The following ITPR2 variants were observed in gnomAD, a reference collection of about 807,000 sequenced individuals.
ITPR2 encodes the protein inositol 1,4,5-trisphosphate receptor type 2, also known as inositol 1,4,5-trisphosphate-gated calcium channel ITPR2.
In ITPR2, 207 loss-of-function variants were observed where a neutral mutation model predicts 317.1. The observed-to-expected ratio is 0.65, with a 90% confidence interval of 0.58 to 0.73. ITPR2 has a LOEUF of 0.73. Ranked by LOEUF, ITPR2 falls within the 30% of genes least tolerant of loss-of-function variation. The pLI is 0.00. For missense variants in ITPR2, 2,613 were observed against 3,284.0 expected (o/e 0.80, Z 4.99); for synonymous variants, 1,156 against 1,149.1 (o/e 1.01, Z -0.12).
At chr12:26,531,613 T>A (rs1176250426) in intron 37 of ITPR2, among the ~76,000 whole-genome samples, 2 of 151,932 alleles carry the variant, frequency 1.3e-5, no homozygotes, top group African/African-American at 4.8e-5. Context: ...ACATACACCT[T>A]TGATTTTCTA....
chr12:26,546,311 T>C (rs545280968), intron 37 of ITPR2, among the ~76,000 whole-genome samples: 42 of 152,290 alleles, frequency 2.8e-4, no homozygotes, highest in African/African-American at 9.4e-4. Context: ...ATACTGTATG[T>C]TTGTGGCCTT....
intron 37 of ITPR2, among the ~76,000 whole-genome samples, chr12:26,516,291 GGAAAGGAAA>G (rs1943506513): frequency 9.5e-5 from 7 of 73,580 alleles, no homozygotes; most frequent in East Asian, 4.3e-4. Context: ...GGAAGGGAAA[GGAAAGGAAA>G]GGAAAGGAAA....
rs573192303 is a variant in ITPR2 at position 26,556,463 on chromosome 12, G to T, written c.4822-88C>A. On this transcript the variant is annotated intron_variant, in intron 35 of 56. Transcript: ENST00000381340. ...TAAGACAAGCTCAAGAATACTAATG[G>T]GAATTTTATAGATGCCCCTCTATTT... 95 of 1,270,254 alleles carry T rather than the reference G, an allele frequency of 7.5e-5. No individual in the cohort carries two copies. In the African/African-American group the frequency reaches 1.2e-3, roughly 16 times the overall value. The allele number at this position is 1,270,254 out of a possible 1,614,324, so 78.7% of individuals were successfully genotyped here.
At chr12:26,559,512 T>C (rs1022094321) in intron 35 of ITPR2, among the ~76,000 whole-genome samples, 11 of 152,126 alleles carry the variant, frequency 7.2e-5, no homozygotes, top group African/African-American at 1.2e-4. Context: ...GCCTATTTTA[T>C]AGGGACTCTA....
chr12:26,650,977 C>T (rs914520067), intron 21 of ITPR2, among the ~76,000 whole-genome samples: 1 of 152,160 alleles, frequency 6.6e-6, no homozygotes, highest in African/African-American at 2.4e-5. Context: ...AAAGAATATT[C>T]ATATACGCTT....
chr12:26,645,407 T>C (rs1291433016), intron 21 of ITPR2, among the ~76,000 whole-genome samples: 1 of 152,104 alleles, frequency 6.6e-6, no homozygotes. Flanking sequence ...TTGACTTGAG[T>C]GTGTGATTTG....
At chr12:26,787,928 T>TA in intron 2 of ITPR2, among the ~76,000 whole-genome samples, 1 of 151,088 alleles carries the variant, frequency 6.6e-6, no homozygotes, top group African/African-American at 2.4e-5. Flanking sequence ...TATCCTTTTT[T>TA]TTTTTTTTTT....
In ITPR2 at chr12:26,681,435, A is replaced by AT. The variant is rs916768775; in HGVS notation, c.1409+438dup. ...GAGGGCAGAGAACTACACCCTGCAG[A>AT]TTTTTTTTTTCTGGTTTTACATATC... On this transcript the variant is annotated intron_variant, in intron 13 of 56. Coordinates refer to ENST00000381340, the MANE Select transcript of ITPR2 (RefSeq NM_002223.4). Among the ~76,000 whole-genome samples, 72 of 150,662 alleles carry AT rather than the reference A, an allele frequency of 4.8e-4. 1 individual carries two copies. Among genetic ancestry groups the AT allele is most frequent in the Admixed American group, 2.1e-3 (32 of 15,082 alleles).
intron 2 of ITPR2, among the ~76,000 whole-genome samples, chr12:26,759,281 T>C (rs376716018): frequency 2.0e-5 from 3 of 152,244 alleles, no homozygotes; most frequent in African/African-American, 7.2e-5. Context: ...ATCTAAATTA[T>C]GTTAACATTT....
intron 14 of ITPR2, among the ~76,000 whole-genome samples, chr12:26,665,656 T>G (rs78030352): frequency 0.13 from 19,661 of 152,166 alleles, 1,688 homozygotes; most frequent in Non-Finnish European, 0.19. Context: ...CTCTCTCAGT[T>G]GAACCTTGAG....
intron 37 of ITPR2, among the ~76,000 whole-genome samples, chr12:26,505,346 T>G (rs1943160511): frequency 6.6e-6 from 1 of 152,148 alleles, no homozygotes; most frequent in Admixed American, 6.5e-5. Flanking sequence ...TTCTGAACAA[T>G]CCACATCTTC....
intron 26 of ITPR2, among the ~76,000 whole-genome samples, chr12:26,617,269 A>G (rs1186117043): frequency 6.6e-6 from 1 of 152,254 alleles, no homozygotes; most frequent in Non-Finnish European, 1.5e-5. Context: ...CTATGAATAC[A>G]GCAGAAATTT....
intron 55 of ITPR2, among the ~76,000 whole-genome samples, chr12:26,363,596 T>C (rs982352840): frequency 6.6e-6 from 1 of 152,306 alleles, no homozygotes; most frequent in South Asian, 2.1e-4. Context: ...ACTCTAAGAC[T>C]TTCTCTCCAG....
At chr12:26,473,759 C>T (rs1478720863) in intron 45 of ITPR2, among the ~76,000 whole-genome samples, 2 of 152,164 alleles carry the variant, frequency 1.3e-5, no homozygotes, top group Admixed American at 6.5e-5. Context: ...TCTAGCCATT[C>T]CTTTGCTAGC....
chr12:26,591,555 C>T (rs570048704), intron 32 of ITPR2, among the ~76,000 whole-genome samples: 5 of 152,130 alleles, frequency 3.3e-5, no homozygotes, highest in South Asian at 2.1e-4. Flanking sequence ...AATAGCCGGG[C>T]GCAGAGGCTC....
At position 26,796,200 on chromosome 12, in the gene ITPR2, A is replaced by G. The variant is rs771374833; in HGVS notation, c.93-5973T>C. On this transcript the variant is annotated intron_variant, in intron 1 of 56. Coordinates refer to ENST00000381340, the MANE Select transcript of ITPR2 (RefSeq NM_002223.4). Reference sequence around the variant, plus strand: ...TACTAATGGCATCCCTTAACACACAAGTTACAAACTAGAATATATTTGCTA... The same window carrying G: ...TACTAATGGCATCCCTTAACACACAGGTTACAAACTAGAATATATTTGCTA... Among the ~76,000 whole-genome samples, 4 of 152,220 alleles carry G rather than the reference A, an allele frequency of 2.6e-5. No homozygotes were observed. In the South Asian group the frequency reaches 8.3e-4, roughly 32 times the overall value.
chr12:26,715,965 T>A (rs1179227477), intron 6 of ITPR2, 130 bp from the exon 7 acceptor site: 1 of 748,582 alleles, frequency 1.3e-6, no homozygotes, highest in Non-Finnish European at 2.2e-6. Flanking sequence ...AATACAAGTA[T>A]CTTTGAGAGA....
At chr12:26,788,732 T>C (rs917430107) in intron 2 of ITPR2, among the ~76,000 whole-genome samples, 96 of 152,216 alleles carry the variant, frequency 6.3e-4, no homozygotes, top group African/African-American at 2.2e-3. Context: ...AAGCTTTTCA[T>C]GACTCATCCA....
intron 37 of ITPR2, among the ~76,000 whole-genome samples, chr12:26,533,443 G>A (rs937766651): frequency 2.0e-5 from 3 of 152,170 alleles, no homozygotes; most frequent in South Asian, 2.1e-4. Flanking sequence ...AGCAAAATGC[G>A]CACAAGAGAA....
Sources: allele counts gnomAD v4.1 joint callset (sites outside exome capture counted in the v4.1 genomes callset), GRCh38; gene constraint gnomAD v4.1.1; transcripts MANE v1.5; gene names NCBI Gene and HGNC (gene_info 2026-07-23, HGNC 2026-07-21).